EHHADH: variants seen among roughly 807,000 people sequenced by gnomAD.
EHHADH encodes the protein enoyl-CoA hydratase and 3-hydroxyacyl CoA dehydrogenase.
In EHHADH, 48 loss-of-function variants were observed where a neutral mutation model predicts 64.4. The ratio of observed to expected loss-of-function variants is 0.75; its 90% CI spans 0.59 to 0.95. EHHADH has a LOEUF of 0.95. EHHADH is among the 40% of genes least tolerant of loss of function. The pLI, the probability that EHHADH is intolerant of heterozygous loss-of-function variation, is 0.00. For missense variants in EHHADH, 854 were observed against 876.6 expected, an observed-to-expected ratio of 0.97 and a Z score of 0.33; for synonymous variants, 308 against 326.7, an observed-to-expected ratio of 0.94 and a Z score of 0.62.
At chr3:185,201,723 A>C (rs1404631084) in intron 6 of EHHADH, among the ~76,000 whole-genome samples, 1 of 152,186 alleles carries the variant, frequency 6.6e-6, no homozygotes, top group African/African-American at 2.4e-5. Flanking sequence ...AATATTTTTC[A>C]AAACAATGTG....
chr3:185,229,454 A>G lies in EHHADH; in HGVS notation c.441T>C (p.Ala147=), dbSNP rs554651032. 1 of 1,561,616 alleles carries G rather than the reference A, an allele frequency of 6.4e-7. No individual in the cohort carries two copies. Reference sequence around the variant, plus strand: ...GACCTGAGGTAATTAAGTCAAGTGCAGCAGGAACTCCAGTGAGTCTGGGGA... The same window carrying G: ...GACCTGAGGTAATTAAGTCAAGTGCGGCAGGAACTCCAGTGAGTCTGGGGA... ...QLLPRLTGVP[A]ALDLITSGRR... is the part of the protein sequence containing the mutation. The change falls in exon 4 of 7, where the codon GCT becomes GCC. Residue 147 remains alanine (A), a synonymous_variant. Coordinates refer to ENST00000231887, the MANE Select transcript of EHHADH (RefSeq NM_001966.4).
At position 185,216,969 on chromosome 3, in the gene EHHADH, G is replaced by C. The variant is rs1358951572; in HGVS notation, c.568+1167C>G. On this transcript the variant is annotated intron_variant, in intron 5 of 6. Transcript: ENST00000231887. This position sits in a 1 kb window ranked among gnomAD's most constrained non-coding sequence, Gnocchi z 5.3. ...GAAAGAACTCTGAAAGGAACATCCC[G>C]AGTCCATAAAGTAAGAAACCACTGA... 6.6e-6 allele frequency among the ~76,000 whole-genome samples: 1 copy of C among 152,152 alleles called. No homozygotes were observed. The highest frequency in any genetic ancestry group is 1.5e-5 in the Non-Finnish European group (1 of 68,032).
At chr3:185,199,835 C>A (rs879453544) in intron 6 of EHHADH, among the ~76,000 whole-genome samples, 4 of 152,106 alleles carry the variant, frequency 2.6e-5, no homozygotes, top group Admixed American at 2.0e-4. Context: ...AGCCTCTATG[C>A]CCTGGGCTCA....
At position 185,193,262 on chromosome 3, in the gene EHHADH, A is replaced by G. The variant is rs751700253; in HGVS notation, c.1136T>C (p.Ile379Thr). 2.2e-5 allele frequency: 36 copies of G among 1,601,762 alleles called. No individual in the cohort carries two copies. The highest frequency in any genetic ancestry group is 7.9e-5 in the South Asian group (7 of 88,646). The change falls in exon 7 of 7, where the codon ATT becomes ACT. Residue 379 changes from isoleucine (I) to threonine (T), a missense_variant. Physicochemically the swap from Ile to Thr is moderately conservative, Grantham distance 89. Coordinates refer to ENST00000231887, the MANE Select transcript of EHHADH (RefSeq NM_001966.4). Reference sequence around the variant, plus strand: ...GCTCATTTCCTCAAATACTGCTTCAATGACTAAATCTACACCACCAAGCTC... The same window carrying G: ...GCTCATTTCCTCAAATACTGCTTCAGTGACTAAATCTACACCACCAAGCTC... ...VKELGGVDLVIEAVFEEMSLK... is the reference protein window; with the variant it reads ...VKELGGVDLVTEAVFEEMSLK...
rs1019459861 is a variant in EHHADH at position 185,192,874 on chromosome 3, C to T, written c.1524G>A (p.Val508=). The change falls in exon 7 of 7, where the codon GTG becomes GTA. Residue 508 remains valine, a synonymous_variant. Coordinates refer to ENST00000231887, the MANE Select transcript of EHHADH (RefSeq NM_001966.4). ...CCATTTTAAAACCAAACTCTTCCAG[C>T]ACCTGATCTACCTCCTCTGGTTTGC... ...EGSKPEEVDQ[V]LEEFGFKMGP... 6.2e-7 allele frequency: 1 copy of T among 1,614,204 alleles called. No individual in the cohort carries two copies. The highest frequency in any genetic ancestry group is 1.3e-5 in the African/African-American group (1 of 75,064).
intron 6 of EHHADH, among the ~76,000 whole-genome samples, chr3:185,199,863 G>A (rs921162231): frequency 8.5e-5 from 13 of 152,168 alleles, no homozygotes; most frequent in South Asian, 2.1e-4. Context: ...TTCCTGCCTC[G>A]GCCCCCCTAG....
intron 5 of EHHADH, among the ~76,000 whole-genome samples, chr3:185,217,024 AG>A (rs35922888): frequency 0.79 from 119,775 of 151,946 alleles, 48,004 homozygotes; most frequent in Non-Finnish European, 0.86. Flanking sequence ...TTGCGGAGAC[AG>A]AAGTTCTCAA....
At position 185,249,591 on chromosome 3, in the gene EHHADH, C is replaced by T. The variant is rs74448295; in HGVS notation, c.75-1074G>A. Reference sequence around the variant, plus strand: ...TAGTGGTTTATAAGTTGCAGTTTCCCCTGCACTCATGCCTCTCTCCTGCCA... The same window carrying T: ...TAGTGGTTTATAAGTTGCAGTTTCCTCTGCACTCATGCCTCTCTCCTGCCA... On this transcript the variant is annotated intron_variant, in intron 1 of 6. Transcript: ENST00000231887. Among the ~76,000 whole-genome samples the T allele has an allele frequency of 5.3e-3, 803 of 152,272 alleles. 10 individuals are homozygous for T. The highest frequency in any genetic ancestry group is 0.019 in the African/African-American group (773 of 41,542).
At chr3:185,208,528 T>C (rs571440590) in intron 5 of EHHADH, among the ~76,000 whole-genome samples, 3 of 152,216 alleles carry the variant, frequency 2.0e-5, no homozygotes, top group Non-Finnish European at 4.4e-5. Context: ...CACTACTGAA[T>C]GTTGGTGATG....
At position 185,223,668 on chromosome 3, in the gene EHHADH, TC is replaced by T. The variant is rs367781912; in HGVS notation, c.464-5429del. 4.8e-3 allele frequency among the ~76,000 whole-genome samples: 735 copies of T among 152,192 alleles called. 10 individuals are homozygous for T. Among genetic ancestry groups the T allele is most frequent in the African/African-American group, 0.016 (680 of 41,522 alleles). On this transcript the variant is annotated intron_variant, in intron 4 of 6. Coordinates refer to ENST00000231887, the MANE Select transcript of EHHADH (RefSeq NM_001966.4). ...AAAGATGTTACTCCCAATTCCTCTT[TC>T]CCCCCATAGTATTCTGGGTAGTAAG...
chr3:185,242,790 C>G (rs1190347792), intron 2 of EHHADH, among the ~76,000 whole-genome samples: 1 of 152,198 alleles, frequency 6.6e-6, no homozygotes, highest in African/African-American at 2.4e-5. Context: ...CCAGGCTACC[C>G]ACCTCCCAGC....
In EHHADH at chr3:185,190,757, G is replaced by T. The variant is rs969375222; in HGVS notation, c.*1469C>A. ...CAAGGCACACTTGGATTTTTTGTTGGTTTTTTGTTTGCTTTTTAACAACGG... is the reference window on the plus strand; with the variant it reads ...CAAGGCACACTTGGATTTTTTGTTGTTTTTTTGTTTGCTTTTTAACAACGG... On this transcript the variant is annotated 3_prime_UTR_variant, in exon 7 of 7. Transcript: ENST00000231887. The T allele has an allele frequency of 2.0e-5, 3 of 152,022 alleles. No individual in the cohort carries two copies. The highest frequency in any genetic ancestry group is 4.4e-5 in the Non-Finnish European group (3 of 67,976). 9.4% of individuals were successfully genotyped at this position (152,022 alleles called of 1,614,324 possible). A position where few individuals can be genotyped will look rare whatever the true frequency, so the allele number is the denominator to read the frequency against.
At chr3:185,252,028 C>A (rs1719761529) in intron 1 of EHHADH, among the ~76,000 whole-genome samples, 1 of 152,186 alleles carries the variant, frequency 6.6e-6, no homozygotes. Context: ...CCTAACATTT[C>A]TCCTGCAAAG....
chr3:185,210,285 C>T (rs968199749), intron 5 of EHHADH, among the ~76,000 whole-genome samples: 1 of 152,166 alleles, frequency 6.6e-6, no homozygotes, highest in Non-Finnish European at 1.5e-5. Flanking sequence ...CAGATGCCCA[C>T]ATCATACCTC....
At chr3:185,246,002 T>A (rs1196121258) in intron 2 of EHHADH, 2 of 1,444,392 alleles carry the variant, frequency 1.4e-6, no homozygotes, top group Non-Finnish European at 1.9e-6. Context: ...TTTGCTATCT[T>A]CATCTTCTAG....
chr3:185,200,412 C>T (rs1239993723), intron 6 of EHHADH, among the ~76,000 whole-genome samples: 1 of 152,094 alleles, frequency 6.6e-6, no homozygotes, highest in Non-Finnish European at 1.5e-5. Context: ...TATTAACCCC[C>T]TGCACTTCTC....
At chr3:185,237,014 A>G (rs935885127) in intron 2 of EHHADH, among the ~76,000 whole-genome samples, 1 of 152,226 alleles carries the variant, frequency 6.6e-6, no homozygotes. Context: ...AATAACTGGT[A>G]GAATAGGGAT....
chr3:185,241,878 A>G (rs1245862929), intron 2 of EHHADH, among the ~76,000 whole-genome samples: 1 of 152,190 alleles, frequency 6.6e-6, no homozygotes, highest in African/African-American at 2.4e-5. Flanking sequence ...TGCCTAAGCC[A>G]ATGTCTAGAA....
chr3:185,198,201 G>A (rs1718122717), intron 6 of EHHADH, among the ~76,000 whole-genome samples: 1 of 151,630 alleles, frequency 6.6e-6, no homozygotes, highest in African/African-American at 2.4e-5. Flanking sequence ...CATAGAAGCT[G>A]CAACATTTTA....
Sources: allele counts gnomAD v4.1 joint callset (sites outside exome capture counted in the v4.1 genomes callset), GRCh38; gene constraint gnomAD v4.1.1; non-coding constraint Gnocchi (gnomAD v3.1); transcripts MANE v1.5; gene names NCBI Gene and HGNC (gene_info 2026-07-23, HGNC 2026-07-21).